The following XNDC1N variants were observed in gnomAD, a reference collection of about 807,000 sequenced individuals.
XNDC1N encodes the protein XRCC1 N-terminal domain containing 1, N-terminal like, also known as protein XNDC1N.
the XNDC1N span, among the ~76,000 whole-genome samples, chr11:71,869,204 C>T: frequency 6.6e-6 from 1 of 151,984 alleles, no homozygotes; most frequent in Non-Finnish European, 1.5e-5. Context: ...CTCCCCGCTC[C>T]CACTACCCCA....
the XNDC1N span, among the ~76,000 whole-genome samples, chr11:71,884,005 A>G: frequency 4.8e-3 from 728 of 152,104 alleles, 6 homozygotes; most frequent in African/African-American, 0.017. Context: ...CCTTCTCTTC[A>G]CTCTGTGATT....
the XNDC1N span, chr11:71,893,763 G>C: frequency 8.8e-7 from 1 of 1,135,078 alleles, no homozygotes; most frequent in Admixed American, 2.2e-5. Flanking sequence ...CGGACTGCCT[G>C]ACACAGATTT....
chr11:71,907,009 G>A, the XNDC1N span, among the ~76,000 whole-genome samples: 1 of 152,136 alleles, frequency 6.6e-6, no homozygotes, highest in Non-Finnish European at 1.5e-5. Context: ...ACTACTCCGT[G>A]TGACAAAAAA....
At chr11:71,914,361 G>A in the XNDC1N span, 8 of 456,080 alleles carry the variant, frequency 1.8e-5, no homozygotes, top group East Asian at 6.9e-5. Context: ...AGACTTCAGT[G>A]GAGGAAATTA....
At chr11:71,894,267 A>ACC in the XNDC1N span, 1 of 390,828 alleles carries the variant, frequency 2.6e-6, no homozygotes, top group Non-Finnish European at 4.7e-6. Flanking sequence ...CTCTGTCACC[A>ACC]CCCCCCAGGA....
chr11:71,895,800 G>A, the XNDC1N span, among the ~76,000 whole-genome samples: 1 of 152,154 alleles, frequency 6.6e-6, no homozygotes, highest in East Asian at 1.9e-4. Flanking sequence ...TTGCTCTTCA[G>A]AAATTTGTTT....
the XNDC1N span, among the ~76,000 whole-genome samples, chr11:71,895,207 T>C: frequency 6.6e-6 from 1 of 152,150 alleles, no homozygotes; most frequent in African/African-American, 2.4e-5. Flanking sequence ...CAGAAATTAA[T>C]TGTAGTATGA....
At chr11:71,888,068 G>T in the XNDC1N span, among the ~76,000 whole-genome samples, 1 of 152,164 alleles carries the variant, frequency 6.6e-6, no homozygotes, top group South Asian at 2.1e-4. Flanking sequence ...CCTAGGCTGC[G>T]TGTTGCTCTA....
the XNDC1N span, among the ~76,000 whole-genome samples, chr11:71,872,327 C>T: frequency 6.6e-6 from 1 of 152,244 alleles, no homozygotes; most frequent in South Asian, 2.1e-4. Context: ...TAAGCCACTA[C>T]ATTTTGGAAA....
the XNDC1N span, among the ~76,000 whole-genome samples, chr11:71,914,636 G>A: frequency 0.032 from 4,874 of 151,502 alleles, 78 homozygotes; most frequent in East Asian, 0.078. Context: ...GCAGTGAGCC[G>A]AGATCATGCC....
chr11:71,923,712 C>T, the XNDC1N span, among the ~76,000 whole-genome samples: 3 of 152,072 alleles, frequency 2.0e-5, no homozygotes, highest in South Asian at 2.1e-4. Flanking sequence ...CCCGCCACCA[C>T]GCCCGGCTAA....
the XNDC1N span, among the ~76,000 whole-genome samples, chr11:71,925,037 C>T: frequency 4.0e-5 from 6 of 151,802 alleles, no homozygotes; most frequent in Admixed American, 1.3e-4. Context: ...TTTGCTCATG[C>T]CATTGCCTCT....
the XNDC1N span, among the ~76,000 whole-genome samples, chr11:71,881,207 T>C: frequency 6.6e-6 from 1 of 152,210 alleles, no homozygotes; most frequent in African/African-American, 2.4e-5. Flanking sequence ...TACATATATA[T>C]ACATATTTGG....
the XNDC1N span, among the ~76,000 whole-genome samples, chr11:71,891,387 A>G: frequency 4.5e-4 from 69 of 151,988 alleles, no homozygotes; most frequent in Non-Finnish European, 1.2e-4. Context: ...TGGGAGTAAG[A>G]TCATCCTCTC....
chr11:71,900,527 G>A, the XNDC1N span, among the ~76,000 whole-genome samples: 3,364 of 152,212 alleles, frequency 0.022, 126 homozygotes, highest in African/African-American at 0.076. Flanking sequence ...TGGTTGTGCT[G>A]GGGGTCTCAG....
At chr11:71,884,531 C>T in the XNDC1N span, 1 of 1,607,962 alleles carries the variant, frequency 6.2e-7, no homozygotes, top group Non-Finnish European at 8.5e-7. Context: ...AACTGAAGAT[C>T]ATTCAAATTG....
chr11:71,891,608 G>C, the XNDC1N span, among the ~76,000 whole-genome samples: 1 of 152,078 alleles, frequency 6.6e-6, no homozygotes, highest in African/African-American at 2.4e-5. Flanking sequence ...ACTGTTGACA[G>C]CAATATCATT....
At chr11:71,915,029 T>C in the XNDC1N span, among the ~76,000 whole-genome samples, 1 of 152,208 alleles carries the variant, frequency 6.6e-6, no homozygotes, top group Non-Finnish European at 1.5e-5. Flanking sequence ...GAAGAGTAGA[T>C]TGATGTGGCA....
chr11:71,893,473 C>A, the XNDC1N span: 1 of 734,716 alleles, frequency 1.4e-6, no homozygotes, highest in Non-Finnish European at 2.5e-6. Context: ...CACAGAGCCA[C>A]GGAATCTCAC....
Sources: gnomAD v4.1 joint callset for allele counts (sites outside exome capture counted in the v4.1 genomes callset) on GRCh38, gnomAD v4.1.1 for gene constraint, MANE v1.5 for transcripts, NCBI Gene and HGNC (gene_info 2026-07-23, HGNC 2026-07-21) for gene names.